The following CACNA1I variants were observed in gnomAD, a reference collection of about 807,000 sequenced individuals.
The protein encoded by CACNA1I is calcium voltage-gated channel subunit alpha1 I.
A neutral mutation model predicts 201.6 loss-of-function variants in CACNA1I; 74 were observed. That is an observed-to-expected ratio of 0.37 (90% CI 0.30 to 0.45). CACNA1I has a LOEUF of 0.45. Among genes scored for constraint, CACNA1I ranks in the 20% least tolerant of loss-of-function variants. The probability of loss-of-function intolerance (pLI) is 1.00; values close to 1 mark genes in which losing one functional copy is unlikely to be tolerated. For synonymous variants in CACNA1I, 1,431 were observed against 1,345.2 expected, an observed-to-expected ratio of 1.06 and a Z score of -1.40; for missense variants, 2,346 against 3,138.1, an observed-to-expected ratio of 0.75 and a Z score of 6.03.
intron 1 of CACNA1I, among the ~76,000 whole-genome samples, chr22:39,571,297 G>T (rs1932174992): frequency 6.6e-6 from 1 of 152,302 alleles, no homozygotes; most frequent in East Asian, 1.9e-4. Context: ...TGGGAATGCA[G>T]ATCAGTCAGA....
chr22:39,664,771 G>A lies in CACNA1I; in HGVS notation c.3699G>A (p.Gln1233=). The A allele has an allele frequency of 6.5e-7, 1 of 1,546,124 alleles. No homozygotes were observed. The highest frequency in any genetic ancestry group is 8.8e-7 in the Non-Finnish European group (1 of 1,139,220). Residue 1233 remains glutamine (Q), a synonymous_variant, in exon 21 of 37, where the codon CAG becomes CAA. Coordinates refer to ENST00000402142, the MANE Select transcript of CACNA1I (RefSeq NM_021096.4). ...VVSLGLYFGE[Q]AYLRSSWNVL... is the part of the protein sequence containing the mutation. ...CGCTGGGCCTGTACTTCGGCGAGCA[G>A]GCGTACCTACGCAGCAGCTGGAACG...
At chr22:39,634,437 G>T in intron 4 of CACNA1I, 128 bp from the exon 5 acceptor site, 1 of 871,694 alleles carries the variant, frequency 1.1e-6, no homozygotes, top group Non-Finnish European at 1.9e-6. Context: ...GAACAGGATG[G>T]GAACAGCAAG....
Position 39,661,229 on chromosome 22 carries a change from G to C in CACNA1I, c.2820G>C (p.Pro940=), listed in dbSNP as rs59624877. The part of the protein sequence containing the change: ...AGPAPRLSLQ[P]DPMLVALGSR... ...CTGCCCCCCGACTCTCACTGCAGCC[G>C]GACCCCATGCTGGTGGCCCTGGGCT... Residue 940 remains proline (P), a synonymous_variant, in exon 16 of 37, where the codon CCG becomes CCC. Transcript: ENST00000402142. 3 of 1,611,794 alleles carry C rather than the reference G, an allele frequency of 1.9e-6. No homozygotes were observed. The highest frequency in any genetic ancestry group is 1.3e-5 in the African/African-American group (1 of 74,908).
intron 1 of CACNA1I, among the ~76,000 whole-genome samples, chr22:39,576,622 G>A (rs1932364768): frequency 6.6e-6 from 1 of 152,206 alleles, no homozygotes. Flanking sequence ...GAAGCCAGTC[G>A]GCTGTGAAGG....
At chr22:39,683,365 G>A (rs985534036) in intron 35 of CACNA1I, among the ~76,000 whole-genome samples, 2 of 152,112 alleles carry the variant, frequency 1.3e-5, no homozygotes, top group African/African-American at 4.8e-5. Context: ...CTTCAGGGAC[G>A]CCTCCCAGGA....
At chr22:39,584,281 G>A (rs895313725) in intron 1 of CACNA1I, among the ~76,000 whole-genome samples, 1 of 152,172 alleles carries the variant, frequency 6.6e-6, no homozygotes, top group Non-Finnish European at 1.5e-5. Flanking sequence ...GTTCCAGAGA[G>A]TTCTAGTCTG....
chr22:39,588,142 T>TTC (rs1337179292), intron 1 of CACNA1I, among the ~76,000 whole-genome samples: 1 of 146,486 alleles, frequency 6.8e-6, no homozygotes, highest in African/African-American at 2.5e-5. Context: ...TTTTTTTTTT[T>TTC]TTTTTTTTGA....
chr22:39,588,356 T>C (rs1175587504), intron 1 of CACNA1I, among the ~76,000 whole-genome samples: 2 of 148,684 alleles, frequency 1.3e-5, no homozygotes, highest in African/African-American at 4.9e-5. Context: ...TAATGTGCAG[T>C]TCAAGGCGTT....
At chr22:39,660,962 C>T (rs1489412298) in intron 15 of CACNA1I, 146 bp from the exon 16 acceptor site, 1 of 693,144 alleles carries the variant, frequency 1.4e-6, no homozygotes, top group Non-Finnish European at 2.5e-6. Context: ...GGGGTGCAAC[C>T]AGGAAGACTT....
At chr22:39,598,352 C>A (rs1795797440) in intron 2 of CACNA1I, 90 bp downstream of exon 2, 1 of 655,342 alleles carries the variant, frequency 1.5e-6, no homozygotes, top group South Asian at 1.7e-5. Flanking sequence ...CGCCCCATGT[C>A]CTGGCCTTGC....
intron 4 of CACNA1I, among the ~76,000 whole-genome samples, chr22:39,632,445 C>T (rs989293712): frequency 1.3e-5 from 2 of 152,218 alleles, no homozygotes; most frequent in African/African-American, 4.8e-5. Context: ...ATGCCAGTCC[C>T]TCTGCTGGCC....
chr22:39,669,054 C>T (rs1935285917), intron 24 of CACNA1I, among the ~76,000 whole-genome samples: 1 of 152,038 alleles, frequency 6.6e-6, no homozygotes. Flanking sequence ...GCAGGGGTCC[C>T]TCTGGGGCTA....
chr22:39,593,690 AGT>A (rs1403226026), intron 1 of CACNA1I, among the ~76,000 whole-genome samples: 1 of 151,740 alleles, frequency 6.6e-6, no homozygotes, highest in Admixed American at 6.6e-5. Flanking sequence ...GCATCTGGAG[AGT>A]GTGTTTCAGG....
chr22:39,663,907 A>G (rs2146453536), intron 19 of CACNA1I, 66 bp downstream of exon 19: 1 of 1,596,042 alleles, frequency 6.3e-7, no homozygotes, highest in Non-Finnish European at 8.6e-7. Context: ...AGGGCTGAGC[A>G]GGGCAGGGAG....
chr22:39,675,154 G>A (rs981424249), intron 29 of CACNA1I, among the ~76,000 whole-genome samples: 7 of 152,234 alleles, frequency 4.6e-5, no homozygotes, highest in African/African-American at 7.2e-5. Context: ...CTGGGCATGC[G>A]ACTTAGCTTT....
At position 39,659,248 on chromosome 22, in the gene CACNA1I, T is replaced by C; in HGVS notation, c.2330+132T>C. On this transcript the variant is annotated intron_variant, in intron 12 of 36. Transcript: ENST00000402142. The surrounding 1 kb of genome is among the most constrained non-coding windows in gnomAD (Gnocchi z 4.3). ...TGGGTGTGAAGCCTGACACTGTTCC[T>C]CAGTCCCCTGTGGCTTTCAGCAAGC... 8.8e-7 allele frequency: 1 copy of C among 1,140,472 alleles called. No individual in the cohort carries two copies. Among genetic ancestry groups the C allele is most frequent in the South Asian group, 1.5e-5 (1 of 68,800 alleles). The allele number at this position is 1,140,472 out of a possible 1,614,324, so 70.6% of individuals were successfully genotyped here. A position where few individuals can be genotyped will look rare whatever the true frequency, so the allele number is the denominator to read the frequency against.
chr22:39,608,358 C>T (rs752482957), intron 3 of CACNA1I, among the ~76,000 whole-genome samples: 3 of 152,118 alleles, frequency 2.0e-5, no homozygotes, highest in Non-Finnish European at 4.4e-5. Flanking sequence ...TCCAGCTACT[C>T]AGGAGGCTGA....
chr22:39,679,307 G>A lies in CACNA1I; in HGVS notation c.5256G>A (p.Leu1752=), dbSNP rs760639212. The change falls in exon 32 of 37, where the codon CTG becomes CTA. Residue 1752 remains leucine, a synonymous_variant. Transcript: ENST00000402142. The part of the protein sequence containing the change: ...EDAEMDAELE[L]EMAHGLGPGP... ...CCGAGATGGATGCCGAGCTCGAGCT[G>A]GAGATGGCCCATGGCCTGGGCCCTG... 4.8e-5 allele frequency: 75 copies of A among 1,557,598 alleles called. No individual in the cohort carries two copies. The highest frequency in any genetic ancestry group is 5.9e-5 in the Non-Finnish European group (68 of 1,151,418).
chr22:39,665,816 G>A lies in CACNA1I; in HGVS notation c.3979-65G>A. ...ACAGTCTGAGTAAACGCGATCGAGA[G>A]GCGAGTTCCTCTCTGACTTGCAACC... On this transcript the variant is annotated intron_variant, in intron 22 of 36. Transcript: ENST00000402142. The surrounding 1 kb of genome is among the most constrained non-coding windows in gnomAD (Gnocchi z 5.5). 6.2e-7 allele frequency: 1 copy of A among 1,606,878 alleles called. No homozygotes were observed. Among genetic ancestry groups the A allele is most frequent in the East Asian group, 2.2e-5 (1 of 44,758 alleles).
Sources: gnomAD v4.1 joint callset for allele counts (sites outside exome capture counted in the v4.1 genomes callset) on GRCh38, gnomAD v4.1.1 for gene constraint, Gnocchi (gnomAD v3.1) non-coding constraint, MANE v1.5 for transcripts, NCBI Gene and HGNC (gene_info 2026-07-23, HGNC 2026-07-21) for gene names.